BNC2: variants seen among roughly 807,000 people sequenced by gnomAD.
BNC2 encodes the protein basonuclin zinc finger protein 2.
Under a neutral mutation model 76.3 loss-of-function variants are expected in BNC2, and 20 were observed. The ratio of observed to expected loss-of-function variants is 0.26; its 90% CI spans 0.18 to 0.38. BNC2 has a LOEUF of 0.38. BNC2 is among the 10% of genes least tolerant of loss of function. BNC2 has a pLI of 1.00. For missense variants in BNC2, 1,382 were observed against 1,399.8 expected, an observed-to-expected ratio of 0.99 and a Z score of 0.20; for synonymous variants, 582 against 514.8, an observed-to-expected ratio of 1.13 and a Z score of -1.77.
chr9:16,478,573 T>C (rs1821977137), intron 5 of BNC2, among the ~76,000 whole-genome samples: 1 of 152,256 alleles, frequency 6.6e-6, no homozygotes, highest in Non-Finnish European at 1.5e-5. Flanking sequence ...ACCTAATTTC[T>C]GATCTTATTC....
At chr9:16,460,574 G>C (rs926065015) in intron 5 of BNC2, among the ~76,000 whole-genome samples, 1 of 152,148 alleles carries the variant, frequency 6.6e-6, no homozygotes, top group Non-Finnish European at 1.5e-5. Context: ...AGTGAACCGA[G>C]ATCATGCCGC....
intron 1 of BNC2, among the ~76,000 whole-genome samples, chr9:16,764,760 A>T (rs556370223): frequency 1.3e-5 from 2 of 151,526 alleles, no homozygotes; most frequent in African/African-American, 4.8e-5. Context: ...AATAAGAAGC[A>T]ATTATCTTTC....
intron 1 of BNC2, among the ~76,000 whole-genome samples, chr9:16,856,914 T>C (rs1819272228): frequency 6.6e-6 from 1 of 152,128 alleles, no homozygotes; most frequent in Non-Finnish European, 1.5e-5. Flanking sequence ...GAGAATTGAG[T>C]GGCCTTTCTT....
rs377349585 is a variant in BNC2 at position 16,793,860 on chromosome 9, G to GTTTTTTTTTTTTT, written c.4-55376_4-55375insAAAAAAAAAAAAA. Among the ~76,000 whole-genome samples the GTTTTTTTTTTTTT allele has an allele frequency of 2.1e-5, 2 of 97,352 alleles. 1 individual carries two copies. Among genetic ancestry groups the GTTTTTTTTTTTTT allele is most frequent in the Non-Finnish European group, 3.9e-5 (2 of 51,754 alleles). 63.9% of individuals were successfully genotyped at this position (97,352 alleles called of 152,430 possible). On this transcript the variant is annotated intron_variant, in intron 1 of 6. Coordinates refer to ENST00000380672, the MANE Select transcript of BNC2 (RefSeq NM_017637.6). ...CTAGTTTTTGTTTTTTGTGGTTTTT[G>GTTTTTTTTTTTTT]TTTTTTTGTTTTTTTTTTTTTTTAG... is the stretch of plus-strand genomic sequence containing the variant.
intron 4 of BNC2, among the ~76,000 whole-genome samples, chr9:16,577,524 A>G (rs918979755): frequency 1.1e-4 from 17 of 152,182 alleles, no homozygotes; most frequent in Non-Finnish European, 2.1e-4. Flanking sequence ...TCCTTCATGT[A>G]TGAGATAGGT....
chr9:16,681,758 T>C (rs1223144740), intron 3 of BNC2, among the ~76,000 whole-genome samples: 1 of 152,166 alleles, frequency 6.6e-6, no homozygotes, highest in Non-Finnish European at 1.5e-5. Context: ...ATTTTTCAAA[T>C]AAACCGCAGG....
intron 1 of BNC2, among the ~76,000 whole-genome samples, chr9:16,849,534 T>C (rs1312868843): frequency 6.6e-6 from 1 of 151,900 alleles, no homozygotes; most frequent in Non-Finnish European, 1.5e-5. Flanking sequence ...AATTTTTGTA[T>C]TTTTAGTAGA....
chr9:16,539,825 AAAGG>A (rs1818263091), intron 5 of BNC2, among the ~76,000 whole-genome samples: 1 of 140,886 alleles, frequency 7.1e-6, no homozygotes, highest in Non-Finnish European at 1.6e-5. Context: ...AAAGGAAAGG[AAAGG>A]AAGGGAAGGG....
intron 3 of BNC2, among the ~76,000 whole-genome samples, chr9:16,677,038 T>C (rs1228191249): frequency 2.0e-5 from 3 of 152,202 alleles, no homozygotes; most frequent in Non-Finnish European, 4.4e-5. Flanking sequence ...TGTTTTTAGG[T>C]AAATAATATT....
At chr9:16,857,822 C>T (rs1316731114) in intron 1 of BNC2, among the ~76,000 whole-genome samples, 1 of 152,104 alleles carries the variant, frequency 6.6e-6, no homozygotes, top group African/African-American at 2.4e-5. Context: ...AAATATCAGC[C>T]TTTATTAGCA....
intron 4 of BNC2, among the ~76,000 whole-genome samples, chr9:16,562,959 T>C (rs936578676): frequency 6.6e-6 from 1 of 152,234 alleles, no homozygotes; most frequent in African/African-American, 2.4e-5. Context: ...CTGGACTGTT[T>C]TAGTAATGTA....
chr9:16,499,502 T>C (rs10123825), intron 5 of BNC2, among the ~76,000 whole-genome samples: 2,394 of 151,234 alleles, frequency 0.016, 58 homozygotes, highest in African/African-American at 0.055. Context: ...CCATCAAATA[T>C]AGCTCCTCCC....
chr9:16,719,539 T>G (rs887880935), intron 3 of BNC2, among the ~76,000 whole-genome samples: 1 of 152,116 alleles, frequency 6.6e-6, no homozygotes. Flanking sequence ...AGAGAACCAA[T>G]AGCCACTAAA....
At chr9:16,818,976 G>C (rs1818250823) in intron 1 of BNC2, among the ~76,000 whole-genome samples, 1 of 151,738 alleles carries the variant, frequency 6.6e-6, no homozygotes, top group Non-Finnish European at 1.5e-5. Flanking sequence ...CAGAACCTTG[G>C]CAATAAAAAA....
At chr9:16,520,868 T>C (rs542584296) in intron 5 of BNC2, among the ~76,000 whole-genome samples, 1 of 152,300 alleles carries the variant, frequency 6.6e-6, no homozygotes, top group East Asian at 1.9e-4. Context: ...AGCATAGCTT[T>C]AAAAAAATTG....
intron 6 of BNC2, among the ~76,000 whole-genome samples, chr9:16,433,142 T>A (rs1234185618): frequency 6.6e-6 from 1 of 152,198 alleles, no homozygotes; most frequent in Non-Finnish European, 1.5e-5. Flanking sequence ...TTAATTCAAG[T>A]CATAGACTCA....
At chr9:16,578,015 C>T (rs926366616) in intron 4 of BNC2, among the ~76,000 whole-genome samples, 10 of 151,904 alleles carry the variant, frequency 6.6e-5, no homozygotes, top group Non-Finnish European at 1.0e-4. Flanking sequence ...CCTCACATAC[C>T]TAGGAAACAG....
At chr9:16,579,060 C>T (rs1398546111) in intron 4 of BNC2, among the ~76,000 whole-genome samples, 1 of 152,016 alleles carries the variant, frequency 6.6e-6, no homozygotes, top group Non-Finnish European at 1.5e-5. Flanking sequence ...AGCTAAGATT[C>T]CTTAATGTGG....
chr9:16,465,434 C>CAAAAAAAAAAAA (rs34834563), intron 5 of BNC2, among the ~76,000 whole-genome samples: 2 of 84,290 alleles, frequency 2.4e-5, no homozygotes, highest in African/African-American at 8.8e-5. Flanking sequence ...ACTCCAACTC[C>CAAAAAAAAAAAA]AAAAAAAAAA....
Sources: gnomAD v4.1 joint callset for allele counts (sites outside exome capture counted in the v4.1 genomes callset) on GRCh38, gnomAD v4.1.1 for gene constraint, MANE v1.5 for transcripts, NCBI Gene and HGNC (gene_info 2026-07-23, HGNC 2026-07-21) for gene names.